MYO15A: variants seen among roughly 807,000 people sequenced by gnomAD.
The protein encoded by MYO15A is myosin XVA.
MYO15A carries 308 observed loss-of-function variants against 394.6 expected under a neutral mutation model. The ratio of observed to expected loss-of-function variants is 0.78; its 90% confidence interval spans 0.71 to 0.86. The LOEUF is 0.86. MYO15A is among the 40% of genes least tolerant of loss of function. The pLI, the probability that MYO15A is intolerant of heterozygous loss-of-function variation, is 0.00. For synonymous variants in MYO15A, 1,957 were observed against 2,003.8 expected (o/e 0.98, Z 0.62); for missense variants, 4,606 against 4,799.1 (o/e 0.96, Z 1.19).
intron 65 of MYO15A, chr17:18,178,371 A>G (rs79686353): frequency 8.0e-5 from 12 of 149,910 alleles, no homozygotes; most frequent in Admixed American, 4.7e-4. Context: ...TCCATCTAGG[A>G]AAAAAAAAAA....
intron 22 of MYO15A, among the ~76,000 whole-genome samples, 177 bp from the exon 23 acceptor site, chr17:18,141,476 C>G (rs1313169312): frequency 6.6e-6 from 1 of 152,122 alleles, no homozygotes; most frequent in Non-Finnish European, 1.5e-5. Context: ...TGTCTGACAC[C>G]CAGAAGTAAA....
At chr17:18,159,726 T>G in intron 55 of MYO15A, 47 bp downstream of exon 55, 1 of 1,598,176 alleles carries the variant, frequency 6.3e-7, no homozygotes, top group Non-Finnish European at 8.6e-7. Flanking sequence ...TGCTCTGTGG[T>G]TCAGTTTCCC....
chr17:18,154,573 T>C, intron 44 of MYO15A, 107 bp from the exon 45 acceptor site: 1 of 1,165,730 alleles, frequency 8.6e-7, no homozygotes. Context: ...ACCCCACTGC[T>C]GCAAAATGGG....
rs1300668650 is a variant in MYO15A at position 18,140,932 on chromosome 17, G to C, written c.5407-87G>C. On this transcript the variant is annotated intron_variant, in intron 21 of 65. Transcript: ENST00000647165. ...GCCTCTCAGGACCTGCATCTGCCCAGCCTAGCACTGGGAATATTCACCATG... is the reference window on the plus strand; with the variant it reads ...GCCTCTCAGGACCTGCATCTGCCCACCCTAGCACTGGGAATATTCACCATG... The C allele has an allele frequency of 1.9e-6, 3 of 1,612,356 alleles. No individual in the cohort carries two copies. The African/African-American group carries it at 4.0e-5, about 22-fold the overall frequency.
rs1249381800 is a variant in MYO15A, at chr17:18,119,190, G to A, written c.390G>A (p.Ala130=). 1.2e-6 allele frequency: 2 copies of A among 1,612,502 alleles called. No homozygotes were observed. The highest frequency in any genetic ancestry group is 1.7e-4 in the Middle Eastern group (1 of 6,060). Residue 130 remains alanine, a synonymous_variant, in exon 2 of 66, where the codon GCG becomes GCA. Coordinates refer to ENST00000647165, the MANE Select transcript of MYO15A (RefSeq NM_016239.4). The part of the protein sequence containing the change: ...LRPRARSLSK[A]STAINWLTKK... ...CGCGCGCCCGGTCACTCAGCAAAGCGTCCACGGCCATCAACTGGCTCACAA... is the reference window on the plus strand; with the variant it reads ...CGCGCGCCCGGTCACTCAGCAAAGCATCCACGGCCATCAACTGGCTCACAA...
chr17:18,135,487 A>G (rs1263747020), intron 12 of MYO15A, among the ~76,000 whole-genome samples: 1 of 152,146 alleles, frequency 6.6e-6, no homozygotes, highest in Non-Finnish European at 1.5e-5. Context: ...GATTACAGGC[A>G]TACGCCACCA....
In MYO15A at chr17:18,136,396, A is replaced by T. The variant is rs772825484; in HGVS notation, c.4597-21A>T. On this transcript the variant is annotated intron_variant, in intron 13 of 65. Coordinates refer to ENST00000647165, the MANE Select transcript of MYO15A (RefSeq NM_016239.4). ...CAGAGTGGCCAGCCTGATGTCACTCAAGGGCTGTGCCCGTCCCTAGGAGAC... is the reference window on the plus strand; with the variant it reads ...CAGAGTGGCCAGCCTGATGTCACTCTAGGGCTGTGCCCGTCCCTAGGAGAC... 3 of 1,613,380 alleles carry T rather than the reference A, an allele frequency of 1.9e-6. No individual in the cohort carries two copies. In the Admixed American group the frequency reaches 5.0e-5, roughly 27 times the overall value.
In MYO15A at chr17:18,154,307, G is replaced by A. The variant is rs137958452; in HGVS notation, c.8148+117G>A. 7.2e-4 allele frequency: 869 copies of A among 1,211,620 alleles called. 1 individual carries two copies. Among genetic ancestry groups the A allele is most frequent in the Non-Finnish European group, 9.3e-4 (781 of 836,160 alleles). The allele number at this position is 1,211,620 out of a possible 1,614,324, so 75.1% of individuals were successfully genotyped here. A position where few individuals can be genotyped will look rare whatever the true frequency, so the allele number is the denominator to read the frequency against. On this transcript the variant is annotated intron_variant, in intron 44 of 65. Transcript: ENST00000647165. The stretch of plus-strand genomic sequence containing the variant: ...TTGGGATTTGGGGTCCTTGACAGGG[G>A]TGAGGATGGGCAGCTGTTTTATTGA...
chr17:18,179,197 C>T lies in MYO15A; in HGVS notation c.*327C>T, dbSNP rs1046951326. 2 of 442,844 alleles carry T rather than the reference C, an allele frequency of 4.5e-6. No homozygotes were observed. Among genetic ancestry groups the T allele is most frequent in the African/African-American group, 4.0e-5 (2 of 50,024 alleles). The allele number at this position is 442,844 out of a possible 1,614,324, so 27.4% of individuals were successfully genotyped here. A position where few individuals can be genotyped will look rare whatever the true frequency, so the allele number is the denominator to read the frequency against. On this transcript the variant is annotated 3_prime_UTR_variant, in exon 66 of 66. Transcript: ENST00000647165. ...CCCTGCCCCTAACTCCTGCCTATGA[C>T]ACAGAAGCCCCACACCAGTTGCCCA...
intron 29 of MYO15A, 103 bp downstream of exon 29, chr17:18,144,695 G>A: frequency 2.8e-6 from 3 of 1,058,588 alleles, no homozygotes; most frequent in Non-Finnish European, 4.3e-6. Flanking sequence ...CCCAACCCAT[G>A]AGCCCCACAC....
chr17:18,127,126 C>T lies in MYO15A; in HGVS notation c.3993C>T (p.Tyr1331=). The T allele has an allele frequency of 6.2e-7, 1 of 1,614,116 alleles. No individual in the cohort carries two copies. Among genetic ancestry groups the T allele is most frequent in the East Asian group, 2.2e-5 (1 of 44,876 alleles). The part of the protein sequence containing the change: ...KTEATKLILR[Y]LAAMNQKREV... ...AGGCCACCAAGCTGATTCTGCGCTA[C>T]CTGGCCGCCATGAACCAGAAACGGG... Residue 1331 remains tyrosine, a synonymous_variant, in exon 7 of 66, where the codon TAC becomes TAT. Transcript: ENST00000647165.
Position 18,119,379 on chromosome 17 carries a change from C to CCGCA in MYO15A, c.580_583dup (p.Ser195ThrfsTer34). 12 of 1,610,568 alleles carry CCGCA rather than the reference C, an allele frequency of 7.5e-6. No individual in the cohort carries two copies. The highest frequency in any genetic ancestry group is 1.0e-5 in the Non-Finnish European group (12 of 1,179,640). On this transcript the variant is annotated frameshift_variant, in exon 2 of 66. Transcript: ENST00000647165. LOFTEE classifies it high-confidence loss of function. ...GCCGGCTCCGGAGGTTCCCCCGCAG[C>CCGCA]CGCAGCATCTACGCGTCAGGCGAGC...
chr17:18,156,078 A>G lies in MYO15A; in HGVS notation c.8460-117A>G, dbSNP rs913340190. The G allele has an allele frequency of 2.6e-6, 4 of 1,530,386 alleles. No individual in the cohort carries two copies. The Admixed American group carries it at 7.2e-5, about 28-fold the overall frequency. 94.8% of individuals were successfully genotyped at this position (1,530,386 alleles called of 1,614,324 possible). On this transcript the variant is annotated intron_variant, in intron 47 of 65. Transcript: ENST00000647165. Reference sequence around the variant, plus strand: ...TTAGGGTTCTGTGGGAGCTGGCACAATGGGGCCAAGGTGGGGCTGGGCTTC... The same window carrying G: ...TTAGGGTTCTGTGGGAGCTGGCACAGTGGGGCCAAGGTGGGGCTGGGCTTC...
intron 12 of MYO15A, 36 bp downstream of exon 12, chr17:18,133,422 C>T (rs2046205836): frequency 1.2e-6 from 2 of 1,609,366 alleles, no homozygotes; most frequent in African/African-American, 1.3e-5. Flanking sequence ...GGGGCCCGCA[C>T]CCTCTGGACT....
At chr17:18,159,039 TGATGCA>T in intron 53 of MYO15A, 42 bp downstream of exon 53, 1 of 1,602,558 alleles carries the variant, frequency 6.2e-7, no homozygotes, top group Non-Finnish European at 8.5e-7. Flanking sequence ...TGTAAAATGG[TGATGCA>T]GGGGCCCCCT....
rs905301484 is a variant in MYO15A, at chr17:18,121,101, G to A, written c.2301G>A (p.Arg767=). 19 of 1,502,966 alleles carry A rather than the reference G, an allele frequency of 1.3e-5. No homozygotes were observed. In the African/African-American group the frequency reaches 2.6e-4, roughly 21 times the overall value. 93.1% of individuals were successfully genotyped at this position (1,502,966 alleles called of 1,614,324 possible). Residue 767 remains arginine, a synonymous_variant, in exon 2 of 66, where the codon AGG becomes AGA. Transcript: ENST00000647165. This position sits in a 1 kb window ranked among gnomAD's most constrained non-coding sequence, Gnocchi z 5.3. Reference sequence around the variant, plus strand: ...GGGCCTCTCCACGGGCGTCGCGGAGGCGAGCTTGGTCACCGCTGGCCTCGC... The same window carrying A: ...GGGCCTCTCCACGGGCGTCGCGGAGACGAGCTTGGTCACCGCTGGCCTCGC... ...FPGASPRASR[R]RAWSPLASPQ...
chr17:18,163,573 T>A (rs954843771), intron 59 of MYO15A, among the ~76,000 whole-genome samples, 169 bp from the exon 60 acceptor site: 1 of 152,212 alleles, frequency 6.6e-6, no homozygotes, highest in Non-Finnish European at 1.5e-5. Flanking sequence ...GACCACAAGC[T>A]GTGTTCTTTC....
chr17:18,127,014 C>T (rs2046057296), intron 6 of MYO15A, 61 bp from the exon 7 acceptor site: 7 of 1,605,344 alleles, frequency 4.4e-6, no homozygotes, highest in Non-Finnish European at 6.0e-6. Flanking sequence ...TGATGGGAGT[C>T]AGGGTGCCCC....
At chr17:18,111,367 CAAAG>C (rs2045719179) in intron 1 of MYO15A, among the ~76,000 whole-genome samples, 2 of 113,594 alleles carry the variant, frequency 1.8e-5, no homozygotes, top group Non-Finnish European at 4.0e-5. Context: ...AAAAAAAAAA[CAAAG>C]TCTGTGTCCC....
Sources: gnomAD v4.1 joint callset for allele counts (sites outside exome capture counted in the v4.1 genomes callset) on GRCh38, gnomAD v4.1.1 for gene constraint, Gnocchi (gnomAD v3.1) non-coding constraint, MANE v1.5 for transcripts, NCBI Gene and HGNC (gene_info 2026-07-23, HGNC 2026-07-21) for gene names.